Variants in RABGAP1L observed in about 807,000 individuals in gnomAD.
RABGAP1L encodes RAB GTPase activating protein 1 like.
Under a neutral mutation model 137.7 loss-of-function variants are expected in RABGAP1L, and 63 were observed. The ratio of observed to expected loss-of-function variants is 0.46; its 90% CI spans 0.37 to 0.56. The LOEUF is 0.56. Among genes scored for constraint, RABGAP1L ranks in the 20% least tolerant of loss-of-function variants. The probability of loss-of-function intolerance (pLI) is 0.00; values close to 1 mark genes in which losing one functional copy is unlikely to be tolerated. For missense variants in RABGAP1L, 1,095 were observed against 1,244.0 expected (o/e 0.88, Z 1.80); for synonymous variants, 431 against 433.7 (o/e 0.99, Z 0.08).
chr1:174,933,127 C>T (rs932156660), intron 19 of RABGAP1L, among the ~76,000 whole-genome samples: 1 of 151,858 alleles, frequency 6.6e-6, no homozygotes, highest in Non-Finnish European at 1.5e-5. Context: ...TTTATACATA[C>T]ATACATACAT....
intron 13 of RABGAP1L, among the ~76,000 whole-genome samples, chr1:174,467,231 A>C (rs1364732997): frequency 2.6e-5 from 4 of 152,164 alleles, no homozygotes; most frequent in Non-Finnish European, 5.9e-5. Flanking sequence ...TTACTAGATG[A>C]AGCATCAATG....
At chr1:174,522,157 C>T (rs1402040531) in intron 13 of RABGAP1L, among the ~76,000 whole-genome samples, 2 of 152,036 alleles carry the variant, frequency 1.3e-5, no homozygotes, top group Non-Finnish European at 2.9e-5. Flanking sequence ...TAAAGCCTCT[C>T]CTACTTGGCA....
At chr1:174,254,064 T>C (rs543390292) in intron 7 of RABGAP1L, among the ~76,000 whole-genome samples, 17 of 151,950 alleles carry the variant, frequency 1.1e-4, no homozygotes, top group Admixed American at 7.2e-4. Context: ...CTCTTAAATA[T>C]AGGAGAAGGT....
At chr1:174,876,973 A>G (rs1421270465) in intron 19 of RABGAP1L, among the ~76,000 whole-genome samples, 1 of 151,940 alleles carries the variant, frequency 6.6e-6, no homozygotes, top group Non-Finnish European at 1.5e-5. Flanking sequence ...TCATCTGTTT[A>G]TTTTCTAAGA....
intron 17 of RABGAP1L, among the ~76,000 whole-genome samples, chr1:174,727,620 G>C (rs985110629): frequency 6.6e-6 from 1 of 152,168 alleles, no homozygotes; most frequent in Non-Finnish European, 1.5e-5. Context: ...GCATGGTAGG[G>C]TGACTATAGT....
chr1:174,652,304 A>AT, intron 14 of RABGAP1L, among the ~76,000 whole-genome samples: 1 of 151,922 alleles, frequency 6.6e-6, no homozygotes, highest in East Asian at 1.9e-4. Context: ...CATTCTGACA[A>AT]TTATGTGTCT....
chr1:174,264,434 G>C (rs1415434175), intron 7 of RABGAP1L, among the ~76,000 whole-genome samples: 1 of 152,072 alleles, frequency 6.6e-6, no homozygotes, highest in Non-Finnish European at 1.5e-5. Context: ...CCAGTCTCAT[G>C]ACTTTAAATA....
chr1:174,207,977 A>G (rs1190140766), intron 1 of RABGAP1L, among the ~76,000 whole-genome samples: 1 of 152,210 alleles, frequency 6.6e-6, no homozygotes, highest in Non-Finnish European at 1.5e-5. Flanking sequence ...AGAATTGACA[A>G]TTTAACAACT....
intron 18 of RABGAP1L, among the ~76,000 whole-genome samples, chr1:174,770,793 C>T (rs1280128193): frequency 1.3e-5 from 2 of 152,202 alleles, no homozygotes; most frequent in Non-Finnish European, 2.9e-5. Flanking sequence ...TTGATCCCAT[C>T]TTTCCTGTCT....
intron 16 of RABGAP1L, among the ~76,000 whole-genome samples, chr1:174,701,538 TC>T (rs926959075): frequency 2.6e-5 from 4 of 152,032 alleles, no homozygotes; most frequent in Non-Finnish European, 5.9e-5. Flanking sequence ...GGTCAGGAGT[TC>T]GAGACCAGCC....
intron 7 of RABGAP1L, among the ~76,000 whole-genome samples, chr1:174,270,195 C>CTT (rs758618582): frequency 5.0e-5 from 7 of 139,432 alleles, no homozygotes; most frequent in African/African-American, 7.8e-5. Context: ...GGTGGCAGGG[C>CTT]TTTTTTTTTT....
intron 13 of RABGAP1L, among the ~76,000 whole-genome samples, chr1:174,544,632 G>T (rs1012725982): frequency 2.6e-5 from 4 of 152,162 alleles, no homozygotes; most frequent in African/African-American, 7.2e-5. Context: ...ATCCAGCTTT[G>T]TTCTATTGCT....
intron 18 of RABGAP1L, among the ~76,000 whole-genome samples, chr1:174,763,267 C>T (rs1259084373): frequency 6.6e-6 from 1 of 152,028 alleles, no homozygotes; most frequent in East Asian, 1.9e-4. Context: ...GCCTGTAATC[C>T]CAGCACTTTG....
At chr1:174,450,692 G>A (rs577880397) in intron 13 of RABGAP1L, among the ~76,000 whole-genome samples, 1 of 152,102 alleles carries the variant, frequency 6.6e-6, no homozygotes, top group Non-Finnish European at 1.5e-5. Context: ...TAGCAAAGTA[G>A]CATTTGGGGA....
At chr1:174,613,055 C>T (rs1485679150) in intron 13 of RABGAP1L, among the ~76,000 whole-genome samples, 3 of 151,042 alleles carry the variant, frequency 2.0e-5, no homozygotes, top group Admixed American at 2.0e-4. Context: ...TCTCTATTTC[C>T]TTCAGTTCTG....
At chr1:174,494,399 G>A (rs1008460234) in intron 13 of RABGAP1L, among the ~76,000 whole-genome samples, 4 of 152,094 alleles carry the variant, frequency 2.6e-5, no homozygotes, top group Admixed American at 6.5e-5. Context: ...TTGAATTATT[G>A]TTGTTGTTTT....
At chr1:174,808,575 A>C (rs575426760) in intron 18 of RABGAP1L, among the ~76,000 whole-genome samples, 6 of 152,276 alleles carry the variant, frequency 3.9e-5, no homozygotes, top group African/African-American at 1.4e-4. Flanking sequence ...TGGAATTCAA[A>C]AAATGCACTC....
intron 13 of RABGAP1L, among the ~76,000 whole-genome samples, chr1:174,417,164 ATTC>A (rs1558215779): frequency 6.6e-6 from 1 of 152,162 alleles, no homozygotes; most frequent in East Asian, 1.9e-4. Flanking sequence ...ATTTTAACTT[ATTC>A]TTCTTATATC....
rs115565282 is a variant in RABGAP1L at position 174,252,852 on chromosome 1, C to T, written c.986+262C>T. ...TTTGTTCACATCTTTTTTTCTTGTT[C>T]CTTATTTACATACAGCATAAATACT... On this transcript the variant is annotated intron_variant, in intron 7 of 25. Coordinates refer to ENST00000681986, the MANE Select transcript of RABGAP1L (RefSeq NM_001366446.1). 1.3e-3 allele frequency among the ~76,000 whole-genome samples: 202 copies of T among 152,088 alleles called. 1 individual carries two copies. The highest frequency in any genetic ancestry group is 4.6e-3 in the African/African-American group (191 of 41,506).
Sources: allele counts gnomAD v4.1 joint callset (sites outside exome capture counted in the v4.1 genomes callset), GRCh38; gene constraint gnomAD v4.1.1; transcripts MANE v1.5; gene names NCBI Gene and HGNC (gene_info 2026-07-23, HGNC 2026-07-21).